Variants in TMEM65 observed in about 807,000 individuals in gnomAD.
TMEM65 encodes the protein transmembrane protein 65.
Under a neutral mutation model 25.4 loss-of-function variants are expected in TMEM65, and 22 were observed. The ratio of observed to expected loss-of-function variants is 0.86; its 90% confidence interval spans 0.62 to 1.23. The LOEUF is 1.23. Ranked by LOEUF, TMEM65 falls within the 50% of genes most tolerant of loss-of-function variation. The pLI is 0.00. For synonymous variants in TMEM65, 132 were observed against 126.2 expected, an observed-to-expected ratio of 1.05 and a Z score of -0.31; for missense variants, 262 against 308.2, an observed-to-expected ratio of 0.85 and a Z score of 1.12.
At position 124,312,680 on chromosome 8, in the gene TMEM65, A is replaced by C. The variant is rs1157377894; in HGVS notation, c.*1280T>G. Reference sequence around the variant, plus strand: ...CAGAAAACTAAAATTTATAATTCTTACATGGTTATACTTAAGCCAGAAGTA... The same window carrying C: ...CAGAAAACTAAAATTTATAATTCTTCCATGGTTATACTTAAGCCAGAAGTA... On this transcript the variant is annotated 3_prime_UTR_variant, in exon 7 of 7. Coordinates refer to ENST00000297632, the MANE Select transcript of TMEM65 (RefSeq NM_194291.3). 6.6e-6 allele frequency: 1 copy of C among 151,980 alleles called. No homozygotes were observed. The highest frequency in any genetic ancestry group is 1.5e-5 in the Non-Finnish European group (1 of 67,860). 9.4% of individuals were successfully genotyped at this position (151,980 alleles called of 1,614,324 possible).
intron 2 of TMEM65, among the ~76,000 whole-genome samples, chr8:124,328,024 A>G (rs189816149): frequency 1.3e-4 from 20 of 152,162 alleles, no homozygotes; most frequent in African/African-American, 4.6e-4. Context: ...ACTATAAACA[A>G]TCAATATTTG....
At chr8:124,332,780 G>A (rs1397309833) in intron 1 of TMEM65, among the ~76,000 whole-genome samples, 11 of 151,880 alleles carry the variant, frequency 7.2e-5, no homozygotes, top group Non-Finnish European at 1.0e-4. Flanking sequence ...AATCTTATTA[G>A]GAAGTATCTA....
chr8:124,327,896 T>C (rs1317057200), intron 2 of TMEM65, among the ~76,000 whole-genome samples: 3 of 152,260 alleles, frequency 2.0e-5, no homozygotes, highest in Non-Finnish European at 4.4e-5. Flanking sequence ...GTGCTTTTAC[T>C]AACTAATTTT....
chr8:124,356,036 G>A (rs974114860), intron 1 of TMEM65, among the ~76,000 whole-genome samples: 4 of 152,156 alleles, frequency 2.6e-5, no homozygotes, highest in Non-Finnish European at 4.4e-5. Context: ...TGAAGGAGGG[G>A]AATAGCAGTA....
intron 1 of TMEM65, 99 bp from the exon 2 acceptor site, chr8:124,330,891 G>C: frequency 9.2e-7 from 1 of 1,089,956 alleles, no homozygotes; most frequent in Non-Finnish European, 1.3e-6. Context: ...CAACGTGGGA[G>C]AATATCAGAG....
intron 2 of TMEM65, among the ~76,000 whole-genome samples, chr8:124,329,918 A>G (rs1012603700): frequency 3.9e-5 from 6 of 151,940 alleles, no homozygotes; most frequent in East Asian, 1.9e-4. Flanking sequence ...GAATTTTTAA[A>G]TTGTTTTGGT....
intron 6 of TMEM65, among the ~76,000 whole-genome samples, chr8:124,316,710 C>T (rs902064972): frequency 6.6e-6 from 1 of 152,024 alleles, no homozygotes. Flanking sequence ...AATTATTATG[C>T]CCCAGGAAAA....
chr8:124,353,834 T>C (rs907170404), intron 1 of TMEM65, among the ~76,000 whole-genome samples: 6 of 152,180 alleles, frequency 3.9e-5, no homozygotes, highest in African/African-American at 1.2e-4. Context: ...AATATATTGA[T>C]ATAAATTGCT....
At chr8:124,365,454 A>C (rs530553871) in intron 1 of TMEM65, among the ~76,000 whole-genome samples, 9 of 152,304 alleles carry the variant, frequency 5.9e-5, no homozygotes, top group African/African-American at 2.2e-4. Context: ...TGACCATTAC[A>C]TGCAGCAGAA....
chr8:124,364,595 A>G (rs1563600820), intron 1 of TMEM65, among the ~76,000 whole-genome samples: 1 of 152,238 alleles, frequency 6.6e-6, no homozygotes, highest in East Asian at 1.9e-4. Context: ...TAAGGCAGAT[A>G]AAAAATGCAA....
At chr8:124,335,094 G>A (rs1486319912) in intron 1 of TMEM65, among the ~76,000 whole-genome samples, 1 of 152,064 alleles carries the variant, frequency 6.6e-6, no homozygotes, top group African/African-American at 2.4e-5. Context: ...AATTTCAAAA[G>A]ATTCAAGAAG....
At position 124,371,854 on chromosome 8, in the gene TMEM65, C is replaced by T; in HGVS notation, c.304G>A (p.Glu102Lys). 1.3e-6 allele frequency: 2 copies of T among 1,529,746 alleles called. No individual in the cohort carries two copies. The highest frequency in any genetic ancestry group is 1.7e-6 in the Non-Finnish European group (2 of 1,144,238). The allele number at this position is 1,529,746 out of a possible 1,614,324, so 94.8% of individuals were successfully genotyped here. Reference protein sequence around the residue: ...HRFESIAIAQEKLEAPPPTPG... With the variant: ...HRFESIAIAQKKLEAPPPTPG... The stretch of plus-strand genomic sequence containing the variant: ...CTCGCCCCCCACCTGCCCCCCTTAC[C>T]TTGGGCAATGGCAATAGACTCGAAG... The change falls in exon 1 of 7, where the codon GAA (glutamate) becomes AAA (lysine). Residue 102 changes from glutamate to lysine, a missense_variant and splice_region_variant. Glu to Lys is a moderately conservative substitution (Grantham distance 56). Coordinates refer to ENST00000297632, the MANE Select transcript of TMEM65 (RefSeq NM_194291.3).
chr8:124,328,823 A>G (rs1814397988), intron 2 of TMEM65, among the ~76,000 whole-genome samples: 1 of 152,068 alleles, frequency 6.6e-6, no homozygotes, highest in Non-Finnish European at 1.5e-5. Flanking sequence ...AGTTATCTCC[A>G]CAGAAAGTAT....
At position 124,320,145 on chromosome 8, in the gene TMEM65, T is replaced by A. The variant is rs768545034; in HGVS notation, c.562A>T (p.Ile188Phe). ...EALASRLGLS[I>F]PDLTPKQVDM... Reference sequence around the variant, plus strand: ...ACTTGCTTTGGTGTGAGATCAGGAATTGACAGGCCTAACCTGGAAGCCAAT... The same window carrying A: ...ACTTGCTTTGGTGTGAGATCAGGAAATGACAGGCCTAACCTGGAAGCCAAT... The change falls in exon 6 of 7, where the codon ATT becomes TTT. Residue 188 changes from isoleucine to phenylalanine, a missense_variant. Physicochemically the swap from Ile to Phe is conservative, Grantham distance 21. Coordinates refer to ENST00000297632, the MANE Select transcript of TMEM65 (RefSeq NM_194291.3). The A allele has an allele frequency of 6.2e-7, 1 of 1,613,380 alleles. No homozygotes were observed. Among genetic ancestry groups the A allele is most frequent in the Admixed American group, 1.7e-5 (1 of 60,004 alleles).
intron 4 of TMEM65, among the ~76,000 whole-genome samples, chr8:124,322,588 T>C (rs540554447): frequency 5.3e-5 from 8 of 152,112 alleles, no homozygotes; most frequent in Admixed American, 1.3e-4. Context: ...CTGTGAAGAA[T>C]AGAGTGGTAA....
chr8:124,357,031 C>G (rs1814791026), intron 1 of TMEM65, among the ~76,000 whole-genome samples: 3 of 150,880 alleles, frequency 2.0e-5, no homozygotes, highest in Admixed American at 1.3e-4. Flanking sequence ...CTTGAAATGC[C>G]TCTTCCACCC....
chr8:124,307,799 T>C lies in TMEM65; in HGVS notation c.*6161A>G, dbSNP rs146111916. 1 of 152,056 alleles carries C rather than the reference T, an allele frequency of 6.6e-6. No individual in the cohort carries two copies. The highest frequency in any genetic ancestry group is 1.5e-5 in the Non-Finnish European group (1 of 68,022). The allele number at this position is 152,056 out of a possible 1,614,324, so 9.4% of individuals were successfully genotyped here. A position where few individuals can be genotyped will look rare whatever the true frequency, so the allele number is the denominator to read the frequency against. On this transcript the variant is annotated 3_prime_UTR_variant, in exon 7 of 7. Coordinates refer to ENST00000297632, the MANE Select transcript of TMEM65 (RefSeq NM_194291.3). The stretch of plus-strand genomic sequence containing the variant: ...GCAGCAAATGAGTTCCCAGATGCCA[T>C]TAAGAAAATCATTGAGGAGAAAGCA...
rs187844365 is a variant in TMEM65 at position 124,367,773 on chromosome 8, G to A, written c.304+4081C>T. On this transcript the variant is annotated intron_variant, in intron 1 of 6. Coordinates refer to ENST00000297632, the MANE Select transcript of TMEM65 (RefSeq NM_194291.3). The stretch of plus-strand genomic sequence containing the variant: ...TGGGGGACTACAAGATTAAAGTTTA[G>A]AATTATTTGGTTAATGTATACAGAC... Among the ~76,000 whole-genome samples, 527 of 152,208 alleles carry A rather than the reference G, an allele frequency of 3.5e-3. 3 individuals are homozygous for A. The highest frequency in any genetic ancestry group is 6.0e-3 in the South Asian group (29 of 4,826).
intron 1 of TMEM65, among the ~76,000 whole-genome samples, chr8:124,361,877 T>C (rs1043153501): frequency 1.3e-5 from 2 of 150,030 alleles, no homozygotes; most frequent in Non-Finnish European, 3.0e-5. Context: ...AAAAGCAAGA[T>C]TTTTTTTGTC....
Sources: allele counts gnomAD v4.1 joint callset (sites outside exome capture counted in the v4.1 genomes callset), GRCh38; gene constraint gnomAD v4.1.1; transcripts MANE v1.5; gene names NCBI Gene and HGNC (gene_info 2026-07-23, HGNC 2026-07-21).